FRMD4B: variants seen among roughly 807,000 people sequenced by gnomAD.
FRMD4B encodes the protein FERM domain-containing protein 4B.
In FRMD4B, 74 loss-of-function variants were observed where a neutral mutation model predicts 141.5. The ratio of observed to expected loss-of-function variants is 0.52; its 90% CI spans 0.43 to 0.63. The LOEUF (loss-of-function observed/expected upper bound fraction) is 0.63, where lower values mean the gene tolerates loss of function less well. FRMD4B is among the 30% of genes least tolerant of loss of function. The probability of loss-of-function intolerance (pLI) is 0.00; values close to 1 mark genes in which losing one functional copy is unlikely to be tolerated. For synonymous variants in FRMD4B, 506 were observed against 467.9 expected (o/e 1.08, Z -1.05); for missense variants, 1,366 against 1,253.4 (o/e 1.09, Z -1.36).
intron 7 of FRMD4B, among the ~76,000 whole-genome samples, chr3:69,234,725 G>T (rs988555420): frequency 3.3e-5 from 5 of 152,210 alleles, no homozygotes; most frequent in Middle Eastern, 3.2e-3. Flanking sequence ...ATTATCGGAT[G>T]ACTTTCTGGA....
At chr3:69,177,658 AAAT>A (rs1265476279) in intron 21 of FRMD4B, among the ~76,000 whole-genome samples, 1 of 152,196 alleles carries the variant, frequency 6.6e-6, no homozygotes, top group Non-Finnish European at 1.5e-5. Flanking sequence ...CCAAGAAAGA[AAAT>A]AATAATAACA....
intron 2 of FRMD4B, among the ~76,000 whole-genome samples, chr3:69,311,741 T>C (rs925798908): frequency 6.6e-6 from 1 of 152,122 alleles, no homozygotes; most frequent in East Asian, 1.9e-4. Context: ...TATAAAAGAT[T>C]GCAGGAAACA....
rs181211453 is a variant in FRMD4B, at chr3:69,414,492, T to C, written c.-1+18142A>G. On this transcript the variant is annotated intron_variant, in intron 2 of 5. Coordinates refer to the FRMD4B transcript ENST00000459638. ...AATGCTTCTTTTTAATTAGAAGGTG[T>C]TCCTTCGATGAACATGTTGTGGTCC... 9.2e-5 allele frequency among the ~76,000 whole-genome samples: 14 copies of C among 152,384 alleles called. No homozygotes were observed. The East Asian group carries it at 2.1e-3, about 23-fold the overall frequency.
chr3:69,209,579 C>T (rs1178547357), intron 11 of FRMD4B, among the ~76,000 whole-genome samples: 1 of 152,222 alleles, frequency 6.6e-6, no homozygotes, highest in Admixed American at 6.5e-5. Flanking sequence ...TCTGAGTCAG[C>T]CAGCTGGTAA....
At chr3:69,370,635 G>A (rs978201383) in intron 1 of FRMD4B, among the ~76,000 whole-genome samples, 1 of 152,198 alleles carries the variant, frequency 6.6e-6, no homozygotes, top group Non-Finnish European at 1.5e-5. Context: ...CAACATACAT[G>A]GCTTTTTCCC....
intron 22 of FRMD4B, among the ~76,000 whole-genome samples, chr3:69,173,028 G>A (rs560922283): frequency 4.8e-4 from 73 of 152,218 alleles, no homozygotes; most frequent in African/African-American, 1.7e-3. Flanking sequence ...ACAGATTGGA[G>A]GTACTGTACT....
At chr3:69,313,571 C>A (rs2314992) in intron 1 of FRMD4B, 54 bp from the exon 2 acceptor site, 246,335 of 1,088,848 alleles carry the variant, frequency 0.23, 31,968 homozygotes, top group African/African-American at 0.52. Context: ...GCAAGCAAAC[C>A]TTTGGACTCG....
At chr3:69,191,685 A>G (rs1360075428) in intron 17 of FRMD4B, among the ~76,000 whole-genome samples, 2 of 152,248 alleles carry the variant, frequency 1.3e-5, no homozygotes, top group Admixed American at 1.3e-4. Flanking sequence ...AGGTGCCAGT[A>G]TAGTCAGCTG....
chr3:69,249,337 G>C, intron 6 of FRMD4B, 89 bp from the exon 7 acceptor site: 1 of 851,906 alleles, frequency 1.2e-6, no homozygotes, highest in Admixed American at 2.5e-5. Context: ...CCCTCTTAAA[G>C]TTCCTGAGTT....
chr3:69,489,824 C>T (rs1706274045), intron 1 of FRMD4B, among the ~76,000 whole-genome samples: 1 of 152,162 alleles, frequency 6.6e-6, no homozygotes, highest in African/African-American at 2.4e-5. Context: ...AAAATGAGAA[C>T]AAGCCTAATA....
intron 1 of FRMD4B, among the ~76,000 whole-genome samples, chr3:69,461,536 A>C (rs1705707046): frequency 6.7e-6 from 1 of 149,034 alleles, no homozygotes; most frequent in South Asian, 2.1e-4. Context: ...AGGTGGGAGA[A>C]TCACTTGAGC....
chr3:69,276,825 C>A (rs2093620019), intron 5 of FRMD4B, among the ~76,000 whole-genome samples: 1 of 152,118 alleles, frequency 6.6e-6, no homozygotes, highest in South Asian at 2.1e-4. Context: ...ATTAGCCGGG[C>A]ATGGCGGCAC....
At chr3:69,465,723 A>C (rs985840848) in intron 1 of FRMD4B, among the ~76,000 whole-genome samples, 6 of 152,062 alleles carry the variant, frequency 3.9e-5, no homozygotes, top group Non-Finnish European at 7.3e-5. Flanking sequence ...ACATGAACTC[A>C]TCCTTTTTTA....
chr3:69,540,149 C>T (rs1701150542), intron 1 of FRMD4B, among the ~76,000 whole-genome samples: 1 of 148,708 alleles, frequency 6.7e-6, no homozygotes, highest in Non-Finnish European at 1.5e-5. Flanking sequence ...GCCGCGATCG[C>T]GCCACTGCAC....
chr3:69,323,983 G>A (rs1043153119), intron 1 of FRMD4B, among the ~76,000 whole-genome samples: 1 of 152,118 alleles, frequency 6.6e-6, no homozygotes, highest in Non-Finnish European at 1.5e-5. Flanking sequence ...CACCAAACCA[G>A]AGTTGGCTGG....
At chr3:69,459,379 A>G (rs992973656) in intron 1 of FRMD4B, among the ~76,000 whole-genome samples, 1 of 152,210 alleles carries the variant, frequency 6.6e-6, no homozygotes, top group Non-Finnish European at 1.5e-5. Context: ...GAGGATGGAT[A>G]ATGCAGGACT....
chr3:69,320,031 A>G (rs1701943869), intron 1 of FRMD4B, among the ~76,000 whole-genome samples: 1 of 152,204 alleles, frequency 6.6e-6, no homozygotes, highest in African/African-American at 2.4e-5. Context: ...GTATCTATTA[A>G]CCACTGCTTA....
At chr3:69,265,267 AAAATATATATAT>A (rs1233393721) in intron 5 of FRMD4B, among the ~76,000 whole-genome samples, 1 of 23,712 alleles carries the variant, frequency 4.2e-5, no homozygotes, top group Non-Finnish European at 8.1e-5. Flanking sequence ...AAAAAAAAAA[AAAATATATATAT>A]ATATATATAT....
At chr3:69,226,018 A>G (rs2093250974) in intron 7 of FRMD4B, among the ~76,000 whole-genome samples, 1 of 152,116 alleles carries the variant, frequency 6.6e-6, no homozygotes, top group South Asian at 2.1e-4. Flanking sequence ...ACCTCATGTA[A>G]GGTTCACCAC....
Sources: allele counts gnomAD v4.1 joint callset (sites outside exome capture counted in the v4.1 genomes callset), GRCh38; gene constraint gnomAD v4.1.1; transcripts MANE v1.5; gene names NCBI Gene and HGNC (gene_info 2026-07-23, HGNC 2026-07-21).